Variants in C22orf31 observed in about 807,000 individuals in gnomAD.
C22orf31 encodes the protein uncharacterized protein C22orf31.
C22orf31 carries 11 observed loss-of-function variants against 15.0 expected under a neutral mutation model. The observed-to-expected ratio is 0.73, with a 90% confidence interval of 0.46 to 1.21. The LOEUF (loss-of-function observed/expected upper bound fraction) is 1.21, where lower values mean the gene tolerates loss of function less well. Ranked by LOEUF, C22orf31 falls within the 50% of genes most tolerant of loss-of-function variation. C22orf31 has a pLI of 0.00. For missense variants in C22orf31, 340 were observed against 347.2 expected (o/e 0.98, Z 0.17); for synonymous variants, 132 against 133.3 (o/e 0.99, Z 0.07).
At chr22:29,059,642 T>C (rs779501589) in intron 2 of C22orf31, 1 of 977,630 alleles carries the variant, frequency 1.0e-6, no homozygotes, top group Non-Finnish European at 1.2e-6. Flanking sequence ...GAGTTGGGAT[T>C]TGAACCCTGA....
rs2037376155 is a variant in C22orf31, at chr22:29,060,347, T to A, written c.432+68A>T. On this transcript the variant is annotated intron_variant, in intron 2 of 2. Transcript: ENST00000216071. Reference sequence around the variant, plus strand: ...ACGCCATATAATCTCAACCGTTAAGTGTTCTCTGGCTTTACCTTTTCCCTC... The same window carrying A: ...ACGCCATATAATCTCAACCGTTAAGAGTTCTCTGGCTTTACCTTTTCCCTC... 5.1e-6 allele frequency: 7 copies of A among 1,385,590 alleles called. No individual in the cohort carries two copies. In the South Asian group the frequency reaches 9.3e-5, roughly 18 times the overall value. 85.8% of individuals were successfully genotyped at this position (1,385,590 alleles called of 1,614,324 possible).
chr22:29,073,359 G>T, the C22orf31 span: 1 of 244,686 alleles, frequency 4.1e-6, no homozygotes, highest in Non-Finnish European at 7.3e-6. This position sits in a 1 kb window ranked among gnomAD's most constrained non-coding sequence, Gnocchi z 4.4. Flanking sequence ...GCCCCTAGGC[G>T]ACGCCCCTCA....
At chr22:29,069,918 C>A in the C22orf31 span, among the ~76,000 whole-genome samples, 1 of 149,290 alleles carries the variant, frequency 6.7e-6, no homozygotes, top group Admixed American at 6.7e-5. Context: ...ATCTTTTCAT[C>A]TTCTGCTGTC....
chr22:29,060,733 G>T lies in C22orf31; in HGVS notation c.114C>A (p.Thr38=), dbSNP rs1338025344. ...QDCYVDSPAL[T]NIWMARTCAK... ...CACATGTTCTGGCCATCCAGATGTTGGTGAGAGCCGGTGAGTCCACATAGC... is the reference window on the plus strand; with the variant it reads ...CACATGTTCTGGCCATCCAGATGTTTGTGAGAGCCGGTGAGTCCACATAGC... The change falls in exon 2 of 3, where the codon ACC becomes ACA. Residue 38 remains threonine, a synonymous_variant. Coordinates refer to ENST00000216071, the MANE Select transcript of C22orf31 (RefSeq NM_015370.2). 15 of 1,614,024 alleles carry T rather than the reference G, an allele frequency of 9.3e-6. No individual in the cohort carries two copies. Among genetic ancestry groups the T allele is most frequent in the Non-Finnish European group, 1.3e-5 (15 of 1,180,042 alleles).
In C22orf31 at chr22:29,058,712, A is replaced by C; in HGVS notation, c.*30T>G. ...TGTTTATTTTTCAGATCTCTAGCAGAGAATACTCTAATCCCATGAGTTCTT... is the reference window on the plus strand; with the variant it reads ...TGTTTATTTTTCAGATCTCTAGCAGCGAATACTCTAATCCCATGAGTTCTT... On this transcript the variant is annotated 3_prime_UTR_variant, in exon 3 of 3. Transcript: ENST00000216071. 1 of 1,515,516 alleles carries C rather than the reference A, an allele frequency of 6.6e-7. No homozygotes were observed. Among genetic ancestry groups the C allele is most frequent in the Non-Finnish European group, 9.0e-7 (1 of 1,113,616 alleles). The allele number at this position is 1,515,516 out of a possible 1,614,324, so 93.9% of individuals were successfully genotyped here.
At chr22:29,061,416 A>G (rs190193103) in intron 1 of C22orf31, among the ~76,000 whole-genome samples, 1 of 152,116 alleles carries the variant, frequency 6.6e-6, no homozygotes, top group Non-Finnish European at 1.5e-5. Context: ...ACAGGCATGC[A>G]CCACCGCACC....
the C22orf31 span, among the ~76,000 whole-genome samples, chr22:29,068,413 T>TA: frequency 5.8e-5 from 1 of 17,104 alleles, no homozygotes; most frequent in Non-Finnish European, 1.4e-4. Context: ...TTTAAATTTC[T>TA]TTTTTTTTTT....
chr22:29,058,997 A>G lies in C22orf31; in HGVS notation c.618T>C (p.His206=), dbSNP rs1205544359. 4 of 1,614,088 alleles carry G rather than the reference A, an allele frequency of 2.5e-6. No individual in the cohort carries two copies. The highest frequency in any genetic ancestry group is 1.7e-6 in the Non-Finnish European group (2 of 1,180,040). ...QQLSEDTLTI[H]GLPTEGYQAL... Reference sequence around the variant, plus strand: ...CCTGGTAACCCTCTGTGGGGAGACCATGGATGGTTAGCGTGTCCTCCGACA... The same window carrying G: ...CCTGGTAACCCTCTGTGGGGAGACCGTGGATGGTTAGCGTGTCCTCCGACA... Residue 206 remains histidine, a synonymous_variant, in exon 3 of 3, where the codon CAT becomes CAC. Transcript: ENST00000216071.
Position 29,060,634 on chromosome 22 carries a change from G to C in C22orf31, c.213C>G (p.Ala71=), listed in dbSNP as rs1271220245. The change falls in exon 2 of 3, where the codon GCC becomes GCG. Residue 71 remains alanine (A), a synonymous_variant. Transcript: ENST00000216071. The part of the protein sequence containing the change: ...SWEVVRNPLI[A]SSFSLVKLVL... ...CAAGCTTAACCAGGGAGAAGGAACT[G>C]GCAATTAATGGGTTCCTTACAACTT... 1.2e-6 allele frequency: 2 copies of C among 1,614,076 alleles called. No individual in the cohort carries two copies. The highest frequency in any genetic ancestry group is 4.5e-5 in the East Asian group (2 of 44,880).
chr22:29,061,794 T>C lies in C22orf31; in HGVS notation c.-2A>G. On this transcript the variant is annotated 5_prime_UTR_variant, in exon 1 of 3. Coordinates refer to ENST00000216071, the MANE Select transcript of C22orf31 (RefSeq NM_015370.2). ...ATAGAAATAAAATCACCTTACCATA[T>C]TTCAGTTGCCTTAAATTTTATTTTC... 6.5e-7 allele frequency: 1 copy of C among 1,548,290 alleles called. No homozygotes were observed. Among genetic ancestry groups the C allele is most frequent in the Non-Finnish European group, 8.8e-7 (1 of 1,130,732 alleles).
chr22:29,073,261 A>G, the C22orf31 span: 1 of 998,886 alleles, frequency 1.0e-6, no homozygotes, highest in Non-Finnish European at 1.3e-6. This position sits in a 1 kb window ranked among gnomAD's most constrained non-coding sequence, Gnocchi z 4.4. Flanking sequence ...GCCCGCCCTG[A>G]GCGGAGCCCA....
chr22:29,073,912 AT>A, the C22orf31 span, among the ~76,000 whole-genome samples: 1 of 151,842 alleles, frequency 6.6e-6, no homozygotes, highest in South Asian at 2.1e-4. The surrounding 1 kb of genome is among the most constrained non-coding windows in gnomAD (Gnocchi z 4.4). Flanking sequence ...ACAAGAGGCT[AT>A]ACGCCCCTCT....
At chr22:29,070,937 A>G in the C22orf31 span, among the ~76,000 whole-genome samples, 1 of 152,128 alleles carries the variant, frequency 6.6e-6, no homozygotes, top group Non-Finnish European at 1.5e-5. Flanking sequence ...TCCTCGCTGA[A>G]TATTTGCTGA....
chr22:29,070,490 C>T, the C22orf31 span, among the ~76,000 whole-genome samples: 3 of 152,206 alleles, frequency 2.0e-5, no homozygotes, highest in Non-Finnish European at 2.9e-5. Context: ...CCTGGGTGCC[C>T]TTCCTATTTT....
intron 2 of C22orf31, chr22:29,059,733 C>T (rs2037363173): frequency 2.0e-6 from 2 of 985,232 alleles, no homozygotes; most frequent in Non-Finnish European, 2.4e-6. Context: ...TGGACGCTCA[C>T]AATCCAGATC....
rs762904869 is a variant in C22orf31, at chr22:29,060,687, G to A, written c.160C>T (p.Pro54Ser). ...RTCAKQNINA[P>S]APATTSSWEV... is the part of the protein sequence containing the mutation. ...CAAGAGGAAGTGGTAGCTGGTGCTG[G>A]GGCATTAATGTTCTGCTTTGCACAT... The change falls in exon 2 of 3, where the codon CCA becomes TCA. Residue 54 changes from proline to serine, a missense_variant. Physicochemically the swap from Pro to Ser is moderately conservative, Grantham distance 74. Coordinates refer to ENST00000216071, the MANE Select transcript of C22orf31 (RefSeq NM_015370.2). 4 of 1,614,004 alleles carry A rather than the reference G, an allele frequency of 2.5e-6. No homozygotes were observed. In the East Asian group the frequency reaches 8.9e-5, roughly 36 times the overall value.
At position 29,060,472 on chromosome 22, in the gene C22orf31, G is replaced by C; in HGVS notation, c.375C>G (p.Ile125Met). The C allele has an allele frequency of 6.2e-7, 1 of 1,613,932 alleles. No homozygotes were observed. The highest frequency in any genetic ancestry group is 8.5e-7 in the Non-Finnish European group (1 of 1,179,998). The change falls in exon 2 of 3, where the codon ATC (isoleucine) becomes ATG (methionine). Residue 125 changes from isoleucine to methionine, a missense_variant. Transcript: ENST00000216071. The part of the protein sequence containing the change: ...ATQQARKRNF[I>M]SSKSKQPAGH... ...CTGCTGGCTGCTTGCTCTTGGAACT[G>C]ATGAAGTTTCTTTTCCTGGCCTGCT...
chr22:29,069,067 TG>T, the C22orf31 span, among the ~76,000 whole-genome samples: 3 of 152,250 alleles, frequency 2.0e-5, no homozygotes. Flanking sequence ...TGGCCCAGCC[TG>T]GTACTTGTGA....
At chr22:29,071,566 G>C in the C22orf31 span, among the ~76,000 whole-genome samples, 1 of 152,170 alleles carries the variant, frequency 6.6e-6, no homozygotes, top group Non-Finnish European at 1.5e-5. Context: ...CCGCCGCGCC[G>C]GGCGCAGGTC....
Sources: allele counts gnomAD v4.1 joint callset (sites outside exome capture counted in the v4.1 genomes callset), GRCh38; gene constraint gnomAD v4.1.1; non-coding constraint Gnocchi (gnomAD v3.1); transcripts MANE v1.5; gene names NCBI Gene and HGNC (gene_info 2026-07-23, HGNC 2026-07-21).